CSMD1: variants seen among roughly 807,000 people sequenced by gnomAD.
The protein encoded by CSMD1 is CUB and sushi domain-containing protein 1.
CSMD1 carries 213 observed loss-of-function variants against 417.5 expected under a neutral mutation model. The ratio of observed to expected loss-of-function variants is 0.51; its 90% CI spans 0.46 to 0.57. CSMD1 has a LOEUF of 0.57. Among genes scored for constraint, CSMD1 ranks in the 20% least tolerant of loss-of-function variants. The pLI is 0.00. For synonymous variants in CSMD1, 2,862 were observed against 1,736.8 expected (o/e 1.65, Z -16.11); for missense variants, 6,923 against 4,529.7 (o/e 1.53, Z -15.17).
At chr8:4,206,011 G>C (rs1242298570) in intron 3 of CSMD1, among the ~76,000 whole-genome samples, 1 of 151,898 alleles carries the variant, frequency 6.6e-6, no homozygotes, top group South Asian at 2.1e-4. Flanking sequence ...TCTTTCTTCA[G>C]AAACTACATA....
At chr8:3,281,230 G>A (rs1016815162) in intron 26 of CSMD1, among the ~76,000 whole-genome samples, 5 of 152,126 alleles carry the variant, frequency 3.3e-5, no homozygotes, top group African/African-American at 1.2e-4. Context: ...ATCACCTGAG[G>A]TAAGGAGTTT....
chr8:3,302,480 T>A lies in CSMD1; in HGVS notation c.3950+5215A>T, dbSNP rs77061075. 1.0e-3 allele frequency among the ~76,000 whole-genome samples: 152 copies of A among 152,306 alleles called. 1 individual carries two copies. The highest frequency in any genetic ancestry group is 3.6e-3 in the African/African-American group (150 of 41,560). On this transcript the variant is annotated intron_variant, in intron 25 of 69. Transcript: ENST00000635120. Reference sequence around the variant, plus strand: ...ATTCCATTTATGTGTGATTTGAGTTTCACTTCCCATGATATCACTTCTCAT... The same window carrying A: ...ATTCCATTTATGTGTGATTTGAGTTACACTTCCCATGATATCACTTCTCAT...
At chr8:4,067,223 A>C (rs1472964034) in intron 3 of CSMD1, among the ~76,000 whole-genome samples, 1 of 152,234 alleles carries the variant, frequency 6.6e-6, no homozygotes, top group African/African-American at 2.4e-5. Context: ...TTTTTTCTAC[A>C]TGAAGTCAGA....
intron 1 of CSMD1, among the ~76,000 whole-genome samples, chr8:4,784,011 A>G (rs538034227): frequency 6.6e-6 from 1 of 152,316 alleles, no homozygotes; most frequent in East Asian, 1.9e-4. Context: ...CGATTAGTGA[A>G]AATTATGGAT....
intron 5 of CSMD1, among the ~76,000 whole-genome samples, chr8:3,851,560 G>C (rs1803906729): frequency 6.6e-6 from 1 of 152,214 alleles, no homozygotes; most frequent in South Asian, 2.1e-4. Context: ...ACCTTGAGCA[G>C]CAACTCCCTG....
chr8:3,794,688 C>G (rs1051011595), intron 5 of CSMD1, among the ~76,000 whole-genome samples: 1 of 151,994 alleles, frequency 6.6e-6, no homozygotes, highest in African/African-American at 2.4e-5. Context: ...TGGAAAAAAT[C>G]TCACTGCTTG....
intron 10 of CSMD1, among the ~76,000 whole-genome samples, chr8:3,520,213 T>A (rs1447120903): frequency 6.6e-6 from 1 of 152,052 alleles, no homozygotes; most frequent in East Asian, 1.9e-4. Flanking sequence ...AAGTACTTCA[T>A]AACTATATGT....
At position 4,950,290 on chromosome 8, in the gene CSMD1, T is replaced by C. The variant is rs77141359; in HGVS notation, c.85+44042A>G. Reference sequence around the variant, plus strand: ...ATTTTCATTACTTTATGGTTAATTCTGATTAGTAAGTAAATGATTTTCTCA... The same window carrying C: ...ATTTTCATTACTTTATGGTTAATTCCGATTAGTAAGTAAATGATTTTCTCA... On this transcript the variant is annotated intron_variant, in intron 1 of 69. Coordinates refer to ENST00000635120, the MANE Select transcript of CSMD1 (RefSeq NM_033225.6). Among the ~76,000 whole-genome samples, 219 of 152,292 alleles carry C rather than the reference T, an allele frequency of 1.4e-3. 7 individuals are homozygous for C. In the East Asian group the frequency reaches 0.016, roughly 11 times the overall value.
chr8:3,583,906 A>G (rs1289126679), intron 9 of CSMD1, among the ~76,000 whole-genome samples: 2 of 151,640 alleles, frequency 1.3e-5, no homozygotes, highest in African/African-American at 4.9e-5. Context: ...GATAAGGAGC[A>G]TTGTCCCTCT....
chr8:4,197,601 G>A (rs1021004143), intron 3 of CSMD1, among the ~76,000 whole-genome samples: 4 of 152,176 alleles, frequency 2.6e-5, no homozygotes, highest in Admixed American at 6.6e-5. Context: ...TCTTCCAGCT[G>A]GACATGGTGG....
chr8:4,193,958 A>C (rs959998084), intron 3 of CSMD1, among the ~76,000 whole-genome samples: 1 of 151,938 alleles, frequency 6.6e-6, no homozygotes. Flanking sequence ...CAGGTAATTT[A>C]TATTCTTTCC....
intron 2 of CSMD1, among the ~76,000 whole-genome samples, chr8:4,500,333 C>T (rs1802196909): frequency 6.6e-6 from 1 of 152,160 alleles, no homozygotes; most frequent in Admixed American, 6.6e-5. Context: ...AACCACCACA[C>T]AGTAGAATCA....
chr8:4,329,374 T>C (rs567561181), intron 3 of CSMD1, among the ~76,000 whole-genome samples: 1 of 152,246 alleles, frequency 6.6e-6, no homozygotes, highest in South Asian at 2.1e-4. Context: ...CTTTAACCTC[T>C]GTCTCCCAGG....
chr8:4,931,323 C>A (rs758223384), intron 1 of CSMD1, among the ~76,000 whole-genome samples: 1 of 152,140 alleles, frequency 6.6e-6, no homozygotes, highest in Admixed American at 6.5e-5. Context: ...CTGGTCGCTA[C>A]GAGGAGTAAA....
intron 5 of CSMD1, among the ~76,000 whole-genome samples, chr8:3,761,782 A>T (rs1798017752): frequency 6.6e-6 from 1 of 152,184 alleles, no homozygotes; most frequent in African/African-American, 2.4e-5. Context: ...CTAGGATTAC[A>T]GGCTTGAGCA....
Position 3,714,760 on chromosome 8 carries a change from G to T in CSMD1, c.932-6269C>A, listed in dbSNP as rs368400239. Among the ~76,000 whole-genome samples the T allele has an allele frequency of 5.3e-5, 8 of 151,752 alleles. No homozygotes were observed. The East Asian group carries it at 9.7e-4, about 18-fold the overall frequency. ...GTTTCTCAAAAAAACAACAACACAA[G>T]AATTTTTTTAATGGCTTATTGGTTA... On this transcript the variant is annotated intron_variant, in intron 6 of 69. Coordinates refer to ENST00000635120, the MANE Select transcript of CSMD1 (RefSeq NM_033225.6).
chr8:4,826,565 G>C (rs55985232), intron 1 of CSMD1, among the ~76,000 whole-genome samples: 3 of 152,122 alleles, frequency 2.0e-5, no homozygotes, highest in South Asian at 2.1e-4. Context: ...GACCAAGTTA[G>C]CGTAGTTGGG....
intron 3 of CSMD1, among the ~76,000 whole-genome samples, chr8:4,053,023 G>A (rs2554539): frequency 3.3e-5 from 5 of 152,002 alleles, no homozygotes; most frequent in African/African-American, 1.2e-4. Flanking sequence ...TTAGCAAAGG[G>A]TAACAATTGG....
At chr8:3,076,263 T>C (rs35781976) in intron 49 of CSMD1, among the ~76,000 whole-genome samples, 44,384 of 147,220 alleles carry the variant, frequency 0.3, 7,098 homozygotes, top group African/African-American at 0.43. Flanking sequence ...ATCTTCTTGC[T>C]GTGTCCCTGC....
Sources: allele counts gnomAD v4.1 joint callset (sites outside exome capture counted in the v4.1 genomes callset), GRCh38; gene constraint gnomAD v4.1.1; transcripts MANE v1.5; gene names NCBI Gene and HGNC (gene_info 2026-07-23, HGNC 2026-07-21).